Variants in SLX4IP observed in about 807,000 individuals in gnomAD.
The protein encoded by SLX4IP is protein SLX4IP.
Under a neutral mutation model 32.9 loss-of-function variants are expected in SLX4IP, and 34 were observed. The ratio of observed to expected loss-of-function variants is 1.03; its 90% CI spans 0.79 to 1.38. The LOEUF (loss-of-function observed/expected upper bound fraction) is 1.38. SLX4IP is among the 40% of genes most tolerant of loss of function. The pLI is 0.00. For missense variants in SLX4IP, 444 were observed against 479.0 expected (o/e 0.93, Z 0.68); for synonymous variants, 172 against 171.7 (o/e 1.00, Z -0.01).
At chr20:10,538,201 A>G (rs894462818) in intron 2 of SLX4IP, among the ~76,000 whole-genome samples, 1 of 152,120 alleles carries the variant, frequency 6.6e-6, no homozygotes, top group Non-Finnish European at 1.5e-5. Flanking sequence ...ACCCAGGGCC[A>G]TTTGTACCTC....
intron 2 of SLX4IP, among the ~76,000 whole-genome samples, chr20:10,546,369 A>G (rs897998683): frequency 6.6e-6 from 1 of 152,182 alleles, no homozygotes; most frequent in Non-Finnish European, 1.5e-5. Context: ...TTTTTCGTAG[A>G]AGCAGTGTGT....
At chr20:10,435,988 G>A (rs1293127220) in intron 1 of SLX4IP, among the ~76,000 whole-genome samples, 1 of 152,148 alleles carries the variant, frequency 6.6e-6, no homozygotes, top group Non-Finnish European at 1.5e-5. Context: ...ATGGTTCTTA[G>A]CACTGCTAGA....
At chr20:10,569,656 C>A (rs1428817957) in intron 4 of SLX4IP, among the ~76,000 whole-genome samples, 1 of 152,070 alleles carries the variant, frequency 6.6e-6, no homozygotes, top group Non-Finnish European at 1.5e-5. Context: ...TCTCCTCCCT[C>A]GTCTTCACAT....
chr20:10,456,282 GC>G (rs1458814133), intron 1 of SLX4IP, among the ~76,000 whole-genome samples: 1 of 152,150 alleles, frequency 6.6e-6, no homozygotes, highest in Non-Finnish European at 1.5e-5. Context: ...GGGATACTCA[GC>G]CTGTACCATA....
chr20:10,557,452 C>T (rs1017278967), intron 3 of SLX4IP, among the ~76,000 whole-genome samples: 4 of 152,198 alleles, frequency 2.6e-5, no homozygotes, highest in Non-Finnish European at 4.4e-5. Flanking sequence ...CTCTTCTCTT[C>T]AGGACTTTTA....
At chr20:10,601,916 C>CTGAT in intron 6 of SLX4IP, 97 bp downstream of exon 6, 1 of 1,030,216 alleles carries the variant, frequency 9.7e-7, no homozygotes, top group Non-Finnish European at 1.5e-6. Context: ...TGTCATTCAG[C>CTGAT]TGATGAGCAC....
chr20:10,620,623 G>A (rs1016512057), intron 6 of SLX4IP, among the ~76,000 whole-genome samples: 3 of 151,760 alleles, frequency 2.0e-5, no homozygotes, highest in Non-Finnish European at 2.9e-5. Context: ...GTGCCATCTC[G>A]GCTCACTGCA....
intron 6 of SLX4IP, among the ~76,000 whole-genome samples, chr20:10,616,024 A>G (rs1272600199): frequency 6.6e-6 from 1 of 152,154 alleles, no homozygotes; most frequent in Admixed American, 6.5e-5. Flanking sequence ...TACCATAGCA[A>G]TGCCTAAAAC....
intron 1 of SLX4IP, among the ~76,000 whole-genome samples, chr20:10,454,417 CTG>C (rs895198778): frequency 5.5e-5 from 6 of 109,764 alleles, no homozygotes; most frequent in Non-Finnish European, 9.3e-5. Context: ...AGGAAGGTCT[CTG>C]TATTTGTATT....
At chr20:10,560,649 A>T (rs776223316) in intron 3 of SLX4IP, 51 bp from the exon 4 acceptor site, 9 of 1,327,606 alleles carry the variant, frequency 6.8e-6, no homozygotes, top group African/African-American at 6.1e-5. Context: ...ATATATGTTA[A>T]TTTTTTTGCA....
At chr20:10,598,138 A>G (rs953827903) in intron 4 of SLX4IP, among the ~76,000 whole-genome samples, 2 of 152,192 alleles carry the variant, frequency 1.3e-5, no homozygotes, top group Admixed American at 6.5e-5. Context: ...TTACAGTTGA[A>G]GTAACTGAGG....
intron 2 of SLX4IP, among the ~76,000 whole-genome samples, chr20:10,497,102 C>T (rs6039989): frequency 0.12 from 18,444 of 152,014 alleles, 1,368 homozygotes; most frequent in Non-Finnish European, 0.17. Flanking sequence ...TTTCAGGTAT[C>T]CCATGCATTT....
At chr20:10,509,077 C>T (rs993933837) in intron 2 of SLX4IP, among the ~76,000 whole-genome samples, 6 of 152,278 alleles carry the variant, frequency 3.9e-5, no homozygotes, top group Middle Eastern at 3.4e-3. Context: ...CTCCCTCCTC[C>T]CACTCCGAGT....
chr20:10,471,696 A>G (rs952076594), intron 2 of SLX4IP, among the ~76,000 whole-genome samples: 1 of 152,136 alleles, frequency 6.6e-6, no homozygotes, highest in Non-Finnish European at 1.5e-5. Context: ...AAGAAGCCCC[A>G]CTATTCTCAT....
At chr20:10,460,071 A>C (rs1404075241) in intron 2 of SLX4IP, among the ~76,000 whole-genome samples, 1 of 152,112 alleles carries the variant, frequency 6.6e-6, no homozygotes, top group Non-Finnish European at 1.5e-5. Context: ...TTTTGTATCC[A>C]TATATATATT....
chr20:10,619,478 G>A (rs1450916994), intron 6 of SLX4IP, among the ~76,000 whole-genome samples: 2 of 152,102 alleles, frequency 1.3e-5, no homozygotes, highest in Admixed American at 6.6e-5. Flanking sequence ...AATTTAATAC[G>A]AGATTTGAAA....
chr20:10,465,885 C>T (rs879696866), intron 2 of SLX4IP, among the ~76,000 whole-genome samples: 5 of 152,206 alleles, frequency 3.3e-5, no homozygotes, highest in Admixed American at 2.0e-4. Context: ...TGGCTAGTAT[C>T]GGCTGTATTG....
intron 1 of SLX4IP, among the ~76,000 whole-genome samples, chr20:10,449,999 G>A (rs1315791679): frequency 6.6e-6 from 1 of 151,656 alleles, no homozygotes; most frequent in Non-Finnish European, 1.5e-5. Context: ...AGTTGAAAAT[G>A]TGAAAATGTA....
intron 2 of SLX4IP, among the ~76,000 whole-genome samples, chr20:10,534,946 C>T (rs537828660): frequency 6.6e-6 from 1 of 152,240 alleles, no homozygotes; most frequent in East Asian, 1.9e-4. Context: ...CTTGGGTGTA[C>T]CGGGATATGG....
Sources: allele counts gnomAD v4.1 joint callset (sites outside exome capture counted in the v4.1 genomes callset), GRCh38; gene constraint gnomAD v4.1.1; transcripts MANE v1.5; gene names NCBI Gene and HGNC (gene_info 2026-07-23, HGNC 2026-07-21).